Variants in TMEM45A observed in about 807,000 individuals in gnomAD.
TMEM45A encodes the protein DNA polymerase-transactivated protein 4.
Under a neutral mutation model 32.0 loss-of-function variants are expected in TMEM45A, and 25 were observed. That is an observed-to-expected ratio of 0.78 (90% CI 0.57 to 1.09). TMEM45A has a LOEUF of 1.09. Ranked by LOEUF, TMEM45A falls within the 50% of genes least tolerant of loss-of-function variation. The pLI, the probability that TMEM45A is intolerant of heterozygous loss-of-function variation, is 0.00. For missense variants in TMEM45A, 302 were observed against 325.0 expected (o/e 0.93, Z 0.54); for synonymous variants, 122 against 114.8 (o/e 1.06, Z -0.40).
chr3:100,512,945 T>C (rs1319485745), intron 1 of TMEM45A, among the ~76,000 whole-genome samples: 1 of 151,664 alleles, frequency 6.6e-6, no homozygotes, highest in South Asian at 2.1e-4. Context: ...AATCTCTGAA[T>C]AGACCAATAA....
At chr3:100,516,404 G>A (rs541996614) in intron 1 of TMEM45A, among the ~76,000 whole-genome samples, 2 of 152,222 alleles carry the variant, frequency 1.3e-5, no homozygotes, top group African/African-American at 2.4e-5. Context: ...TGATGAAACT[G>A]CTTCTGTGCC....
At chr3:100,503,209 G>A (rs144634829) in intron 1 of TMEM45A, among the ~76,000 whole-genome samples, 17 of 152,096 alleles carry the variant, frequency 1.1e-4, no homozygotes, top group South Asian at 2.1e-4. Flanking sequence ...GGGTTCAAGC[G>A]ATTCTCCTGC....
chr3:100,501,196 G>A (rs1304285918), intron 1 of TMEM45A, among the ~76,000 whole-genome samples: 15 of 152,182 alleles, frequency 9.9e-5, no homozygotes, highest in Non-Finnish European at 1.5e-4. Context: ...CAACATTCCC[G>A]TTGCCTCCGA....
intron 1 of TMEM45A, among the ~76,000 whole-genome samples, chr3:100,525,485 G>GA (rs1705524645): frequency 6.6e-6 from 1 of 152,152 alleles, no homozygotes; most frequent in Non-Finnish European, 1.5e-5. Flanking sequence ...AAAAATAAAT[G>GA]TAAAAAACAA....
At chr3:100,499,936 G>T (rs75150660) in intron 1 of TMEM45A, among the ~76,000 whole-genome samples, 1,852 of 152,248 alleles carry the variant, frequency 0.012, 25 homozygotes, top group African/African-American at 0.041. Context: ...TATTCTTGTG[G>T]TCAAATGGCA....
intron 1 of TMEM45A, among the ~76,000 whole-genome samples, chr3:100,511,406 T>C (rs1431684241): frequency 6.6e-6 from 1 of 150,894 alleles, no homozygotes; most frequent in East Asian, 1.9e-4. Flanking sequence ...TAAAATCCTT[T>C]ACAGACAAGC....
intron 1 of TMEM45A, among the ~76,000 whole-genome samples, chr3:100,539,907 A>G (rs1251780949): frequency 6.6e-6 from 1 of 152,182 alleles, no homozygotes; most frequent in African/African-American, 2.4e-5. Flanking sequence ...CCAAATCTAC[A>G]TGCAGAAAAA....
chr3:100,552,229 G>A (rs1157109175), intron 1 of TMEM45A, among the ~76,000 whole-genome samples: 1 of 152,046 alleles, frequency 6.6e-6, no homozygotes, highest in Non-Finnish European at 1.5e-5. Flanking sequence ...AAAAAAAGTG[G>A]AGAAGGCCCA....
chr3:100,537,719 G>A (rs1427150903), intron 1 of TMEM45A, among the ~76,000 whole-genome samples: 1 of 152,234 alleles, frequency 6.6e-6, no homozygotes, highest in African/African-American at 2.4e-5. Flanking sequence ...ATTGGCCCAG[G>A]AGATAGCCAA....
intron 1 of TMEM45A, among the ~76,000 whole-genome samples, chr3:100,533,330 A>G (rs1353800947): frequency 6.6e-6 from 1 of 152,124 alleles, no homozygotes; most frequent in Non-Finnish European, 1.5e-5. Flanking sequence ...CATATTTTTT[A>G]TGGTTCTCCC....
At chr3:100,552,799 G>A (rs181051413) in intron 1 of TMEM45A, among the ~76,000 whole-genome samples, 1 of 152,290 alleles carries the variant, frequency 6.6e-6, no homozygotes, top group East Asian at 1.9e-4. Flanking sequence ...TAGTATGTAA[G>A]GCAGTGGATA....
rs78593087 is a variant in TMEM45A at position 100,562,750 on chromosome 3, A to T, written c.588+4161A>T. On this transcript the variant is annotated intron_variant, in intron 4 of 5. Coordinates refer to ENST00000323523, the MANE Select transcript of TMEM45A (RefSeq NM_018004.3). ...ATTAGGCTTACTACCCCAACTGTAA[A>T]ATAGAAATATTAATAATATCTCATG... Among the ~76,000 whole-genome samples, 7 of 152,230 alleles carry T rather than the reference A, an allele frequency of 4.6e-5. No homozygotes were observed. The East Asian group carries it at 1.2e-3, about 25-fold the overall frequency.
intron 5 of TMEM45A, chr3:100,571,615 A>G (rs1202814816): frequency 6.6e-6 from 1 of 152,116 alleles, no homozygotes; most frequent in East Asian, 1.9e-4. Flanking sequence ...TATTATTATT[A>G]TACTTTAAGT....
At position 100,492,709 on chromosome 3, in the gene TMEM45A, T is replaced by G. The variant is rs1422256983; in HGVS notation, c.-223T>G. ...TCCTCTCCTTCTCGCCACTTATTAT[T>G]TATTCGTTTTCCCAAAGAAGCGACT... On this transcript the variant is annotated 5_prime_UTR_variant, in exon 1 of 6. The change creates a new upstream start codon in the 5' untranslated region. Transcript: ENST00000323523. 1.3e-5 allele frequency: 2 copies of G among 152,194 alleles called. No individual in the cohort carries two copies. Among genetic ancestry groups the G allele is most frequent in the Non-Finnish European group, 2.9e-5 (2 of 68,054 alleles). 9.4% of individuals were successfully genotyped at this position (152,194 alleles called of 1,614,324 possible).
chr3:100,520,142 G>T (rs896291178), intron 1 of TMEM45A, among the ~76,000 whole-genome samples: 4 of 152,292 alleles, frequency 2.6e-5, no homozygotes, highest in Middle Eastern at 3.4e-3. Flanking sequence ...AAATAAGTCA[G>T]TAATTATGGG....
At chr3:100,499,991 T>A (rs886161235) in intron 1 of TMEM45A, among the ~76,000 whole-genome samples, 1 of 152,182 alleles carries the variant, frequency 6.6e-6, no homozygotes, top group Non-Finnish European at 1.5e-5. Flanking sequence ...TTTACCTTTT[T>A]GTGGTGTTTA....
chr3:100,513,560 A>G (rs369993366), intron 1 of TMEM45A, among the ~76,000 whole-genome samples: 61 of 150,368 alleles, frequency 4.1e-4, no homozygotes, highest in Admixed American at 2.5e-3. Context: ...CTTTGAAAAC[A>G]GGCACAAGAC....
chr3:100,534,558 C>G (rs571866211), intron 1 of TMEM45A, among the ~76,000 whole-genome samples: 1 of 152,290 alleles, frequency 6.6e-6, no homozygotes, highest in Non-Finnish European at 1.5e-5. Flanking sequence ...AAGGGATTCT[C>G]CCCTGCAGCC....
intron 1 of TMEM45A, among the ~76,000 whole-genome samples, chr3:100,547,179 T>C (rs1705994421): frequency 6.6e-6 from 1 of 152,168 alleles, no homozygotes; most frequent in Admixed American, 6.5e-5. Flanking sequence ...TGGAGTGCAG[T>C]GGTACGATCT....
Sources: gnomAD v4.1 joint callset for allele counts (sites outside exome capture counted in the v4.1 genomes callset) on GRCh38, gnomAD v4.1.1 for gene constraint, MANE v1.5 for transcripts, NCBI Gene and HGNC (gene_info 2026-07-23, HGNC 2026-07-21) for gene names.